The following GALNT9 variants were observed in gnomAD, a reference collection of about 807,000 sequenced individuals.
GALNT9 encodes polypeptide N-acetylgalactosaminyltransferase 9.
In GALNT9, 47 loss-of-function variants were observed where a neutral mutation model predicts 63.1. That is an observed-to-expected ratio of 0.75 (90% CI 0.59 to 0.95). The LOEUF is 0.95. Among genes scored for constraint, GALNT9 ranks in the 40% least tolerant of loss-of-function variants. The probability of loss-of-function intolerance (pLI) is 0.00; values close to 1 mark genes in which losing one functional copy is unlikely to be tolerated. For missense variants in GALNT9, 829 were observed against 874.8 expected (o/e 0.95, Z 0.66); for synonymous variants, 396 against 365.7 (o/e 1.08, Z -0.94).
intron 6 of GALNT9, among the ~76,000 whole-genome samples, chr12:132,218,527 C>T (rs566630398): frequency 3.3e-5 from 5 of 152,360 alleles, no homozygotes; most frequent in East Asian, 1.9e-4. Flanking sequence ...ATCTGCTTAG[C>T]GTGTCCCTGC....
chr12:132,292,173 C>T lies in GALNT9; in HGVS notation c.239-5743G>A, dbSNP rs545608527. On this transcript the variant is annotated intron_variant, in intron 1 of 10. Transcript: ENST00000328957. ...CCTCCCAGAACTCAGAACTCATCAC[C>T]ATCTAAAATCATCCCCTCCGCTACG... 3.9e-5 allele frequency among the ~76,000 whole-genome samples: 6 copies of T among 152,280 alleles called. No individual in the cohort carries two copies. In the South Asian group the frequency reaches 8.3e-4, roughly 21 times the overall value.
chr12:132,223,193 C>CG (rs1877541339), intron 6 of GALNT9, among the ~76,000 whole-genome samples: 1 of 114,218 alleles, frequency 8.8e-6, no homozygotes, highest in East Asian at 3.0e-4. Context: ...CAACCCACAC[C>CG]CCACATACAC....
At chr12:132,221,998 T>C (rs1464602671) in intron 6 of GALNT9, among the ~76,000 whole-genome samples, 1 of 152,168 alleles carries the variant, frequency 6.6e-6, no homozygotes, top group African/African-American at 2.4e-5. Flanking sequence ...GTATAAATAA[T>C]GGCTTAGAGT....
chr12:132,203,354 ACACACAACT>A, intron 7 of GALNT9, 142 bp downstream of exon 7: 1 of 658,294 alleles, frequency 1.5e-6, no homozygotes, highest in Admixed American at 3.0e-5. Flanking sequence ...TCACACCTGC[ACACACAACT>A]GCTTGCACCT....
At chr12:132,267,829 T>TCA (rs1330214908) in intron 2 of GALNT9, among the ~76,000 whole-genome samples, 1 of 57,432 alleles carries the variant, frequency 1.7e-5, no homozygotes, top group Non-Finnish European at 3.8e-5. Flanking sequence ...ACACATGCAG[T>TCA]CACACACATG....
intron 8 of GALNT9, among the ~76,000 whole-genome samples, chr12:132,200,275 C>T (rs1875930639): frequency 6.6e-6 from 1 of 152,186 alleles, no homozygotes; most frequent in African/African-American, 2.4e-5. Context: ...TGGTGGGAGG[C>T]ACCCCATCCC....
At chr12:132,305,013 C>T (rs1403476147) in intron 1 of GALNT9, among the ~76,000 whole-genome samples, 7 of 42,574 alleles carry the variant, frequency 1.6e-4, no homozygotes, top group African/African-American at 6.6e-4. Context: ...ACATCCTCAC[C>T]GGGGCACACC....
At chr12:132,213,903 C>A (rs2135515562) in intron 6 of GALNT9, among the ~76,000 whole-genome samples, 1 of 152,364 alleles carries the variant, frequency 6.6e-6, no homozygotes, top group Non-Finnish European at 1.5e-5. Flanking sequence ...ACAGCCCGGT[C>A]ACGGAGCAGC....
intron 1 of GALNT9, among the ~76,000 whole-genome samples, chr12:132,314,343 G>A (rs1868406021): frequency 2.0e-5 from 3 of 151,984 alleles, no homozygotes; most frequent in Admixed American, 2.0e-4. Context: ...CTCTCTTTCT[G>A]TCTCCATCTT....
chr12:132,208,455 C>T (rs535977519), intron 6 of GALNT9, among the ~76,000 whole-genome samples: 15 of 152,354 alleles, frequency 9.8e-5, no homozygotes, highest in African/African-American at 2.4e-4. Context: ...CCTAGGCCTT[C>T]GTCACGTGAT....
rs1555243232 is a variant in GALNT9, at chr12:132,296,188, C to T, written c.239-9758G>A. Among the ~76,000 whole-genome samples, 1 of 152,260 alleles carries T rather than the reference C, an allele frequency of 6.6e-6. No individual in the cohort carries two copies. The highest frequency in any genetic ancestry group is 2.4e-5 in the African/African-American group (1 of 41,466). On this transcript the variant is annotated intron_variant, in intron 1 of 10. Coordinates refer to ENST00000328957, the MANE Select transcript of GALNT9 (RefSeq NM_001122636.2). This position sits in a 1 kb window ranked among gnomAD's most constrained non-coding sequence, Gnocchi z 4.2. ...GGAGAGCCTCCGGAATAGGGACGGCCTCCGAACAGGGAGAGTGTCCGTTTC... is the reference window on the plus strand; with the variant it reads ...GGAGAGCCTCCGGAATAGGGACGGCTTCCGAACAGGGAGAGTGTCCGTTTC...
In GALNT9 at chr12:132,286,068, TCCCGGCCAGCGTGGGGGGCGGTCACTTC is replaced by T. The variant is rs1880571659; in HGVS notation, c.419+154_419+181del. ...GGCCAGCACGGGGGAGCGCTCACTT[TCCCGGCCAGCGTGGGGGGCGGTCACTTC>T]CCCGGCGGGCGTGGGGGGCGGTCAC... On this transcript the variant is annotated intron_variant, in intron 2 of 10. Coordinates refer to ENST00000328957, the MANE Select transcript of GALNT9 (RefSeq NM_001122636.2). The surrounding 1 kb of genome is among the most constrained non-coding windows in gnomAD (Gnocchi z 7.4). Among the ~76,000 whole-genome samples the T allele has an allele frequency of 1.3e-5, 2 of 150,506 alleles. No individual in the cohort carries two copies. Among genetic ancestry groups the T allele is most frequent in the Admixed American group, 1.3e-4 (2 of 15,172 alleles).
At chr12:132,219,952 G>A (rs1202291327) in intron 6 of GALNT9, among the ~76,000 whole-genome samples, 2 of 152,136 alleles carry the variant, frequency 1.3e-5, no homozygotes, top group African/African-American at 4.8e-5. Context: ...CTGGGTAAGG[G>A]GAAGGGGCAC....
At chr12:132,259,987 G>GGC (rs1879307193) in intron 4 of GALNT9, among the ~76,000 whole-genome samples, 1 of 150,418 alleles carries the variant, frequency 6.6e-6, no homozygotes, top group South Asian at 2.1e-4. Context: ...CGCGGGGCCT[G>GGC]CCTGGGTGCG....
chr12:132,260,740 A>C (rs1023583236), intron 4 of GALNT9, among the ~76,000 whole-genome samples: 17 of 152,318 alleles, frequency 1.1e-4, no homozygotes, highest in Admixed American at 7.2e-4. Context: ...GTGGTTTTGC[A>C]TTCAGGAGCT....
rs1348706917 is a variant in GALNT9 at position 132,201,151 on chromosome 12, G to C, written c.1374C>G (p.Val458=). 1.9e-6 allele frequency: 3 copies of C among 1,613,236 alleles called. No individual in the cohort carries two copies. Among genetic ancestry groups the C allele is most frequent in the African/African-American group, 1.3e-5 (1 of 75,008 alleles). Residue 458 remains valine (V), a synonymous_variant, in exon 8 of 11, where the codon GTC becomes GTG. Coordinates refer to ENST00000328957, the MANE Select transcript of GALNT9 (RefSeq NM_001122636.2). ...CTCCGTACGTGAGGGTGTTGTTGTA[G>C]ACCCTCATCTCCGGGTACACGTTCT... is the stretch of plus-strand genomic sequence containing the variant. ...YLENVYPEMR[V]YNNTLTYGEV...
chr12:132,198,071 CCTTGGAGCCTCCCA>C, intron 9 of GALNT9, 112 bp from the exon 10 acceptor site: 1 of 878,390 alleles, frequency 1.1e-6, no homozygotes, highest in South Asian at 1.7e-5. Context: ...TGCGCGGCTG[CCTTGGAGCCTCCCA>C]CCCCGGGGAC....
At chr12:132,289,801 C>G (rs551411174) in intron 1 of GALNT9, among the ~76,000 whole-genome samples, 1 of 152,226 alleles carries the variant, frequency 6.6e-6, no homozygotes, top group African/African-American at 2.4e-5. Context: ...CTGGTCCAGA[C>G]GCTGCTGCCC....
rs1004958844 is a variant in GALNT9 at position 132,236,252 on chromosome 12, C to G, written c.1077+11658G>C. On this transcript the variant is annotated intron_variant, in intron 6 of 10. Transcript: ENST00000328957. This position sits in a 1 kb window ranked among gnomAD's most constrained non-coding sequence, Gnocchi z 5.6. ...TCGTGAATAAATCAGCAATGACAGC[C>G]CCGACAGGCGGCTGGCGGGGAGCGG... Among the ~76,000 whole-genome samples the G allele has an allele frequency of 6.6e-6, 1 of 151,932 alleles. No individual in the cohort carries two copies. Among genetic ancestry groups the G allele is most frequent in the Admixed American group, 6.5e-5 (1 of 15,274 alleles).
Sources: gnomAD v4.1 joint callset for allele counts (sites outside exome capture counted in the v4.1 genomes callset) on GRCh38, gnomAD v4.1.1 for gene constraint, Gnocchi (gnomAD v3.1) non-coding constraint, MANE v1.5 for transcripts, NCBI Gene and HGNC (gene_info 2026-07-23, HGNC 2026-07-21) for gene names.